The following DIP2C variants were observed in gnomAD, a reference collection of about 807,000 sequenced individuals.
DIP2C encodes disco-interacting protein 2 homolog C.
A neutral mutation model predicts 192.4 loss-of-function variants in DIP2C; 33 were observed. The ratio of observed to expected loss-of-function variants is 0.17; its 90% CI spans 0.13 to 0.23. DIP2C has a LOEUF of 0.23. DIP2C is among the 10% of genes least tolerant of loss of function. The pLI, the probability that DIP2C is intolerant of heterozygous loss-of-function variation, is 1.00. For synonymous variants in DIP2C, 979 were observed against 864.1 expected, an observed-to-expected ratio of 1.13 and a Z score of -2.33; for missense variants, 1,537 against 2,110.1, an observed-to-expected ratio of 0.73 and a Z score of 5.32.
At chr10:290,744 T>C (rs909484072) in intron 32 of DIP2C, among the ~76,000 whole-genome samples, 1 of 152,152 alleles carries the variant, frequency 6.6e-6, no homozygotes, top group Admixed American at 6.5e-5. Flanking sequence ...GGCCCCCACC[T>C]CAGCATCCTA....
At chr10:640,936 C>T (rs1855160108) in intron 1 of DIP2C, among the ~76,000 whole-genome samples, 2 of 152,088 alleles carry the variant, frequency 1.3e-5, no homozygotes, top group Non-Finnish European at 2.9e-5. Context: ...CCAACGTGCT[C>T]ATCGGACTGG....
At chr10:472,188 C>T (rs921474327) in intron 3 of DIP2C, among the ~76,000 whole-genome samples, 8 of 152,162 alleles carry the variant, frequency 5.3e-5, no homozygotes, top group South Asian at 2.1e-4. Context: ...AAATTTGGCA[C>T]GAGATTATAA....
chr10:577,712 G>A lies in DIP2C; in HGVS notation c.86-91182C>T, dbSNP rs146796869. Among the ~76,000 whole-genome samples the A allele has an allele frequency of 3.6e-4, 55 of 152,264 alleles. 1 individual carries two copies. The East Asian group carries it at 9.4e-3, about 26-fold the overall frequency. On this transcript the variant is annotated intron_variant, in intron 1 of 36. Coordinates refer to ENST00000280886, the MANE Select transcript of DIP2C (RefSeq NM_014974.3). ...TTGCTTTTAACAAGCTAAATAACTAGTAATGATGAAGACTCTGAACACCTG... is the reference window on the plus strand; with the variant it reads ...TTGCTTTTAACAAGCTAAATAACTAATAATGATGAAGACTCTGAACACCTG...
intron 1 of DIP2C, among the ~76,000 whole-genome samples, chr10:491,284 C>A (rs1439442604): frequency 1.3e-5 from 2 of 152,214 alleles, no homozygotes; most frequent in African/African-American, 2.4e-5. Context: ...GTGGCGGTTT[C>A]CATGTGCAGT....
chr10:588,543 G>A (rs1008690280), intron 1 of DIP2C, among the ~76,000 whole-genome samples: 3 of 152,244 alleles, frequency 2.0e-5, no homozygotes, highest in African/African-American at 7.2e-5. Flanking sequence ...TCCCTGCCGG[G>A]AAAGTGACAC....
chr10:361,167 T>TA (rs1490954317), intron 22 of DIP2C, among the ~76,000 whole-genome samples: 13 of 152,314 alleles, frequency 8.5e-5, no homozygotes, highest in Non-Finnish European at 5.9e-5. Flanking sequence ...ACACTAAATA[T>TA]ATATATACTA....
At chr10:428,656 T>G (rs1405182143) in intron 4 of DIP2C, among the ~76,000 whole-genome samples, 1 of 152,130 alleles carries the variant, frequency 6.6e-6, no homozygotes, top group Non-Finnish European at 1.5e-5. Context: ...TCACTGAACT[T>G]CTCGGGGCTG....
At chr10:350,925 T>C (rs751019287) in intron 24 of DIP2C, among the ~76,000 whole-genome samples, 2 of 152,054 alleles carry the variant, frequency 1.3e-5, no homozygotes, top group Non-Finnish European at 2.9e-5. Flanking sequence ...GGATTACAGG[T>C]GTGAGCCATC....
Position 364,380 on chromosome 10 carries a change from C to T in DIP2C, c.2471G>A (p.Arg824Gln), listed in dbSNP as rs998801866. 1.9e-6 allele frequency: 3 copies of T among 1,610,244 alleles called. No homozygotes were observed. Among genetic ancestry groups the T allele is most frequent in the African/African-American group, 2.7e-5 (2 of 74,882 alleles). The change falls in exon 20 of 37, where the codon CGG becomes CAG. Residue 824 changes from arginine to glutamine, a missense_variant. By Grantham distance (43) the Arg-to-Gln change is conservative. Transcript: ENST00000280886. ...LAVEPMKFVY[R>Q]GRIAVFSVTV... ...TTTGCAGAACGCCACTGACCTTCCC[C>T]GGTAGACAAACTTCATGGGTTCTAC...
chr10:514,908 T>C (rs530570407), intron 1 of DIP2C, among the ~76,000 whole-genome samples: 3 of 152,330 alleles, frequency 2.0e-5, no homozygotes, highest in Admixed American at 1.3e-4. Context: ...AATAACCTCA[T>C]TTCTGTAGCT....
rs759549212 is a variant in DIP2C, at chr10:281,447, C to T, written c.4295-124G>A. 35 of 1,345,398 alleles carry T rather than the reference C, an allele frequency of 2.6e-5. 1 individual carries two copies. Among genetic ancestry groups the T allele is most frequent in the East Asian group, 2.3e-4 (9 of 38,760 alleles). The allele number at this position is 1,345,398 out of a possible 1,614,324, so 83.3% of individuals were successfully genotyped here. A position where few individuals can be genotyped will look rare whatever the true frequency, so the allele number is the denominator to read the frequency against. ...ACAGGGATGCAAAGGAAGGGGCTCA[C>T]GGATCCAGGGACGTTTGTTTCCTTC... On this transcript the variant is annotated intron_variant, in intron 35 of 36. Coordinates refer to ENST00000280886, the MANE Select transcript of DIP2C (RefSeq NM_014974.3).
intron 17 of DIP2C, among the ~76,000 whole-genome samples, chr10:372,241 A>AT (rs150960319): frequency 3.3e-5 from 5 of 151,938 alleles, no homozygotes; most frequent in Admixed American, 2.6e-4. Context: ...CAGCCAGTTA[A>AT]TTTTTTTGCT....
intron 1 of DIP2C, among the ~76,000 whole-genome samples, chr10:522,836 C>T (rs918804442): frequency 2.6e-5 from 4 of 152,228 alleles, no homozygotes; most frequent in East Asian, 1.9e-4. Flanking sequence ...CCCACAAGCT[C>T]GTTTCTACCT....
intron 1 of DIP2C, among the ~76,000 whole-genome samples, chr10:527,974 C>G (rs573360080): frequency 1.2e-4 from 18 of 152,284 alleles, no homozygotes; most frequent in African/African-American, 4.3e-4. Flanking sequence ...GATGGCCACT[C>G]TCACCCTAAG....
intron 22 of DIP2C, among the ~76,000 whole-genome samples, chr10:358,874 T>C (rs1009347538): frequency 4.1e-4 from 59 of 143,450 alleles, no homozygotes; most frequent in Admixed American, 7.7e-4. Context: ...GCAGGGAGAG[T>C]AAAAGAATGT....
At chr10:607,956 T>C (rs1371205002) in intron 1 of DIP2C, among the ~76,000 whole-genome samples, 2 of 151,764 alleles carry the variant, frequency 1.3e-5, no homozygotes, top group East Asian at 1.9e-4. Flanking sequence ...CAGAGGTGGC[T>C]GAGGCTTGCG....
At chr10:654,619 G>A (rs893740165) in intron 1 of DIP2C, among the ~76,000 whole-genome samples, 12 of 152,090 alleles carry the variant, frequency 7.9e-5, no homozygotes, top group African/African-American at 2.9e-4. Context: ...CTACCAAAGA[G>A]GACCATCAAA....
chr10:583,969 A>G (rs922771808), intron 1 of DIP2C, among the ~76,000 whole-genome samples: 4 of 152,022 alleles, frequency 2.6e-5, no homozygotes, highest in African/African-American at 9.7e-5. Context: ...TGAAAGAGAG[A>G]GGCGCGGGGG....
intron 4 of DIP2C, among the ~76,000 whole-genome samples, chr10:434,357 C>T (rs1352420586): frequency 6.6e-6 from 1 of 152,188 alleles, no homozygotes; most frequent in Non-Finnish European, 1.5e-5. Flanking sequence ...TAGCTCACCG[C>T]AGCCTTGAAA....
Sources: gnomAD v4.1 joint callset for allele counts (sites outside exome capture counted in the v4.1 genomes callset) on GRCh38, gnomAD v4.1.1 for gene constraint, MANE v1.5 for transcripts, NCBI Gene and HGNC (gene_info 2026-07-23, HGNC 2026-07-21) for gene names.